Variants in CTNND2 observed in about 807,000 individuals in gnomAD.
CTNND2 encodes the protein catenin delta 2.
CTNND2 carries 22 observed loss-of-function variants against 144.4 expected under a neutral mutation model. The ratio of observed to expected loss-of-function variants is 0.15; its 90% CI spans 0.11 to 0.22. CTNND2 has a LOEUF of 0.22. Among genes scored for constraint, CTNND2 ranks in the 10% least tolerant of loss-of-function variants. CTNND2 has a pLI of 1.00. For missense variants in CTNND2, 1,353 were observed against 1,618.8 expected (o/e 0.84, Z 2.82); for synonymous variants, 751 against 695.6 (o/e 1.08, Z -1.25).
chr5:11,794,470 G>A (rs1423676658), intron 1 of CTNND2, among the ~76,000 whole-genome samples: 10 of 152,154 alleles, frequency 6.6e-5, no homozygotes, highest in African/African-American at 1.4e-4. Flanking sequence ...CAATGAGAGC[G>A]CACCAGAGGA....
At chr5:11,047,979 A>C (rs905130574) in intron 16 of CTNND2, among the ~76,000 whole-genome samples, 7 of 152,204 alleles carry the variant, frequency 4.6e-5, no homozygotes, top group African/African-American at 1.7e-4. Context: ...CAGGGGTTCC[A>C]CCATTTAGGG....
chr5:11,548,951 A>G (rs1775509965), intron 3 of CTNND2, among the ~76,000 whole-genome samples: 1 of 152,256 alleles, frequency 6.6e-6, no homozygotes, highest in South Asian at 2.1e-4. Context: ...ATAACTGTTT[A>G]AAATGGTCCA....
chr5:11,861,693 A>T (rs138570804), intron 1 of CTNND2, among the ~76,000 whole-genome samples: 233 of 152,244 alleles, frequency 1.5e-3, no homozygotes, highest in African/African-American at 5.5e-3. Flanking sequence ...TCTGCTCAAA[A>T]CTCTGCAGTG....
At chr5:11,545,886 T>G (rs1005394852) in intron 3 of CTNND2, among the ~76,000 whole-genome samples, 1 of 152,156 alleles carries the variant, frequency 6.6e-6, no homozygotes, top group African/African-American at 2.4e-5. Flanking sequence ...TTTATGTCAT[T>G]AAAGTATAAT....
chr5:11,448,636 T>C (rs553019664), intron 3 of CTNND2, among the ~76,000 whole-genome samples: 17 of 152,312 alleles, frequency 1.1e-4, no homozygotes, highest in African/African-American at 4.1e-4. Flanking sequence ...ATTAAGGTAT[T>C]GAAAATGTTT....
intron 1 of CTNND2, among the ~76,000 whole-genome samples, chr5:11,860,687 G>A (rs1470462262): frequency 6.6e-6 from 1 of 152,130 alleles, no homozygotes; most frequent in Non-Finnish European, 1.5e-5. Context: ...GGTAATTTAG[G>A]TACCAATTAG....
chr5:11,549,461 C>T (rs182990655), intron 3 of CTNND2, among the ~76,000 whole-genome samples: 3 of 152,260 alleles, frequency 2.0e-5, no homozygotes, highest in East Asian at 1.9e-4. Context: ...TCCACTCACC[C>T]CCAACAGGCA....
chr5:11,165,093 G>A lies in CTNND2; in HGVS notation c.1976-5334C>T, dbSNP rs922495248. Among the ~76,000 whole-genome samples the A allele has an allele frequency of 7.9e-5, 12 of 152,154 alleles. 1 individual carries two copies. The highest frequency in any genetic ancestry group is 7.4e-5 in the Non-Finnish European group (5 of 68,020). The stretch of plus-strand genomic sequence containing the variant: ...AGTATTATAGCGTTAGCAAAATGAC[G>A]TCATGCCTAGAGAAAATAAAACAGC... On this transcript the variant is annotated intron_variant, in intron 11 of 21. Coordinates refer to ENST00000304623, the MANE Select transcript of CTNND2 (RefSeq NM_001332.4).
chr5:11,838,443 T>C (rs1433434389), intron 1 of CTNND2, among the ~76,000 whole-genome samples: 1 of 152,180 alleles, frequency 6.6e-6, no homozygotes, highest in African/African-American at 2.4e-5. Flanking sequence ...ATACAGAGGT[T>C]CAGGCTCTCT....
rs367819440 is a variant in CTNND2 at position 11,374,245 on chromosome 5, T to C, written c.1178-9355A>G. Reference sequence around the variant, plus strand: ...TGAGACCAGGTAGAATAAGAAATTATGGAGTGATTGAAATTTTGAATTTGT... The same window carrying C: ...TGAGACCAGGTAGAATAAGAAATTACGGAGTGATTGAAATTTTGAATTTGT... On this transcript the variant is annotated intron_variant, in intron 7 of 21. Coordinates refer to ENST00000304623, the MANE Select transcript of CTNND2 (RefSeq NM_001332.4). Among the ~76,000 whole-genome samples the C allele has an allele frequency of 1.0e-3, 155 of 152,338 alleles. 5 individuals are homozygous for C. The South Asian group carries it at 0.032, about 31-fold the overall frequency.
intron 3 of CTNND2, among the ~76,000 whole-genome samples, chr5:11,509,349 T>A (rs1490769940): frequency 1.3e-5 from 2 of 150,476 alleles, no homozygotes; most frequent in African/African-American, 4.9e-5. Context: ...ATACATGTTG[T>A]GGAACTATAA....
At chr5:11,203,503 C>T (rs1413050394) in intron 10 of CTNND2, among the ~76,000 whole-genome samples, 3 of 152,106 alleles carry the variant, frequency 2.0e-5, no homozygotes, top group Non-Finnish European at 2.9e-5. Flanking sequence ...AGTGCAGTGG[C>T]GCGATCTTGG....
At chr5:11,841,101 T>C (rs1794445822) in intron 1 of CTNND2, among the ~76,000 whole-genome samples, 1 of 152,170 alleles carries the variant, frequency 6.6e-6, no homozygotes, top group Non-Finnish European at 1.5e-5. Context: ...CAATTTTATA[T>C]AAATGATTCA....
intron 1 of CTNND2, among the ~76,000 whole-genome samples, chr5:11,741,418 G>A (rs1267771773): frequency 6.6e-6 from 1 of 152,118 alleles, no homozygotes; most frequent in Non-Finnish European, 1.5e-5. Flanking sequence ...GTCCTTTGCA[G>A]GGACATGGAT....
At chr5:11,011,808 A>G (rs1281922652) in intron 18 of CTNND2, among the ~76,000 whole-genome samples, 1 of 152,006 alleles carries the variant, frequency 6.6e-6, no homozygotes, top group Non-Finnish European at 1.5e-5. Flanking sequence ...AGCACCTAGC[A>G]CTCTCTGTTG....
At chr5:11,485,817 C>A (rs1185719690) in intron 3 of CTNND2, among the ~76,000 whole-genome samples, 1 of 151,986 alleles carries the variant, frequency 6.6e-6, no homozygotes, top group Non-Finnish European at 1.5e-5. Context: ...ACGTATAAGG[C>A]CATTATTTTT....
At chr5:11,900,075 C>CTTTAAATA (rs1283485597) in intron 1 of CTNND2, among the ~76,000 whole-genome samples, 8 of 151,934 alleles carry the variant, frequency 5.3e-5, no homozygotes, top group African/African-American at 1.7e-4. Context: ...TATAAGAACC[C>CTTTAAATA]AATAAAATGT....
chr5:11,066,274 G>A (rs1020519096), intron 16 of CTNND2, among the ~76,000 whole-genome samples: 3 of 152,102 alleles, frequency 2.0e-5, no homozygotes, highest in Non-Finnish European at 4.4e-5. Context: ...TCTTGACCTC[G>A]TTATCCACCC....
chr5:11,222,857 C>T lies in CTNND2; in HGVS notation c.1761+13834G>A, dbSNP rs959076097. 3.3e-5 allele frequency among the ~76,000 whole-genome samples: 5 copies of T among 152,280 alleles called. No individual in the cohort carries two copies. The South Asian group carries it at 8.3e-4, about 25-fold the overall frequency. Reference sequence around the variant, plus strand: ...ATTTTACCACTTCCATCCTTTCCCCCTCCCCATCTCCAACATCCCACCTCC... The same window carrying T: ...ATTTTACCACTTCCATCCTTTCCCCTTCCCCATCTCCAACATCCCACCTCC... On this transcript the variant is annotated intron_variant, in intron 10 of 21. Transcript: ENST00000304623.
Sources: allele counts gnomAD v4.1 joint callset (sites outside exome capture counted in the v4.1 genomes callset), GRCh38; gene constraint gnomAD v4.1.1; transcripts MANE v1.5; gene names NCBI Gene and HGNC (gene_info 2026-07-23, HGNC 2026-07-21).